Variants in AGFG1 observed in about 807,000 individuals in gnomAD.
AGFG1 encodes the protein arf-GAP domain and FG repeat-containing protein 1.
In AGFG1, 10 loss-of-function variants were observed where a neutral mutation model predicts 60.6. The observed-to-expected ratio is 0.16, with a 90% CI of 0.10 to 0.28. The LOEUF (loss-of-function observed/expected upper bound fraction) is 0.28. Among genes scored for constraint, AGFG1 ranks in the 10% least tolerant of loss-of-function variants. The probability of loss-of-function intolerance (pLI) is 1.00; values close to 1 mark genes in which losing one functional copy is unlikely to be tolerated. For synonymous variants in AGFG1, 247 were observed against 242.9 expected (o/e 1.02, Z -0.16); for missense variants, 537 against 676.5 (o/e 0.79, Z 2.29).
chr2:227,527,660 A>G (rs1259466947), intron 5 of AGFG1, among the ~76,000 whole-genome samples: 1 of 152,202 alleles, frequency 6.6e-6, no homozygotes, highest in Non-Finnish European at 1.5e-5. Flanking sequence ...ACCAGTCTGC[A>G]TTTTGAGTGA....
At position 227,523,517 on chromosome 2, in the gene AGFG1, A is replaced by T. The variant is rs537105822; in HGVS notation, c.378-246A>T. ...ACTTAATATCTTAGAAAAACCATAA[A>T]TAAGTAATTGAAACAAGTTTTGTGG... On this transcript the variant is annotated intron_variant, in intron 3 of 12. Transcript: ENST00000310078. Among the ~76,000 whole-genome samples the T allele has an allele frequency of 2.0e-4, 31 of 152,300 alleles. 1 individual carries two copies. The highest frequency in any genetic ancestry group is 7.5e-4 in the African/African-American group (31 of 41,572).
At position 227,523,790 on chromosome 2, in the gene AGFG1, C is replaced by T. The variant is rs750840866; in HGVS notation, c.405C>T (p.Val135=). ...ATGTCCCGCCAGAACAAGCCAAAGT[C>T]GTGGCATCAGTTCATGCATCTATTT... ...RWYVPPEQAK[V]VASVHASISG... The change falls in exon 4 of 13, where the codon GTC becomes GTT. Residue 135 remains valine, a synonymous_variant. Transcript: ENST00000310078. The T allele has an allele frequency of 6.8e-6, 11 of 1,613,202 alleles. No individual in the cohort carries two copies. The highest frequency in any genetic ancestry group is 1.7e-4 in the Middle Eastern group (1 of 6,052).
chr2:227,508,276 C>A, intron 2 of AGFG1: 1 of 184,540 alleles, frequency 5.4e-6, no homozygotes, highest in Non-Finnish European at 1.2e-5. Context: ...ATGATTGAGT[C>A]CTAGATTGAA....
At chr2:227,525,250 A>G (rs1230029261) in intron 5 of AGFG1, among the ~76,000 whole-genome samples, 2 of 152,144 alleles carry the variant, frequency 1.3e-5, no homozygotes, top group Admixed American at 6.5e-5. Flanking sequence ...ATCTTGTTTC[A>G]TTTGTCATTC....
At chr2:227,476,717 G>A (rs974605148) in intron 1 of AGFG1, among the ~76,000 whole-genome samples, 13 of 152,164 alleles carry the variant, frequency 8.5e-5, no homozygotes, top group African/African-American at 2.7e-4. Flanking sequence ...GTAGCATTAG[G>A]ATGGATTGCA....
At chr2:227,515,391 A>T (rs555619544) in intron 2 of AGFG1, among the ~76,000 whole-genome samples, 1 of 152,246 alleles carries the variant, frequency 6.6e-6, no homozygotes, top group South Asian at 2.1e-4. Context: ...CCCAGATTTC[A>T]GTTTCAAGCA....
intron 1 of AGFG1, among the ~76,000 whole-genome samples, chr2:227,476,516 C>A (rs1690284686): frequency 6.6e-6 from 1 of 152,110 alleles, no homozygotes; most frequent in South Asian, 2.1e-4. Flanking sequence ...AAGAGGTTGC[C>A]ACTTTAATAC....
chr2:227,495,344 C>T (rs1241362374), intron 2 of AGFG1, among the ~76,000 whole-genome samples: 3 of 151,788 alleles, frequency 2.0e-5, no homozygotes, highest in African/African-American at 4.8e-5. Context: ...GCCAGGAATT[C>T]GAGATCAACC....
intron 10 of AGFG1, among the ~76,000 whole-genome samples, chr2:227,537,807 A>G (rs574274199): frequency 9.8e-5 from 15 of 152,294 alleles, no homozygotes; most frequent in African/African-American, 2.9e-4. Flanking sequence ...AGTTATAGCA[A>G]ATGTTGATAT....
chr2:227,521,310 A>T (rs1170608006), intron 3 of AGFG1, among the ~76,000 whole-genome samples: 1 of 151,946 alleles, frequency 6.6e-6, no homozygotes, highest in Non-Finnish European at 1.5e-5. Flanking sequence ...CAGGTGATCC[A>T]CCTGCCTCAG....
intron 1 of AGFG1, among the ~76,000 whole-genome samples, chr2:227,478,589 CT>C (rs1436906760): frequency 6.6e-6 from 1 of 152,174 alleles, no homozygotes; most frequent in Non-Finnish European, 1.5e-5. Flanking sequence ...CTACCTTGGT[CT>C]TCCAAATTGT....
intron 2 of AGFG1, among the ~76,000 whole-genome samples, chr2:227,497,172 C>A (rs1055644542): frequency 6.6e-6 from 1 of 151,066 alleles, no homozygotes; most frequent in African/African-American, 2.4e-5. Flanking sequence ...TCTTCCCCCC[C>A]CACCCCACAC....
At chr2:227,474,473 A>T (rs1387073534) in intron 1 of AGFG1, among the ~76,000 whole-genome samples, 1 of 152,216 alleles carries the variant, frequency 6.6e-6, no homozygotes, top group African/African-American at 2.4e-5. Flanking sequence ...GCATAAAAGG[A>T]TATCTCAGTA....
At chr2:227,506,907 G>A (rs938917707) in intron 2 of AGFG1, among the ~76,000 whole-genome samples, 10 of 152,074 alleles carry the variant, frequency 6.6e-5, no homozygotes, top group Admixed American at 5.9e-4. Flanking sequence ...CCTATAAACC[G>A]GTGGTTGGCT....
In AGFG1 at chr2:227,557,665, T is replaced by C. The variant is rs1274460497; in HGVS notation, c.*3170T>C. On this transcript the variant is annotated 3_prime_UTR_variant, in exon 13 of 13. Transcript: ENST00000310078. ...AAATACCATTTTTGATAAAAATAAC[T>C]TTTCCAAAACAAAAACTAATGAGAA... is the stretch of plus-strand genomic sequence containing the variant. The C allele has an allele frequency of 6.6e-6, 1 of 152,218 alleles. No individual in the cohort carries two copies. The allele number at this position is 152,218 out of a possible 1,614,324, so 9.4% of individuals were successfully genotyped here.
At chr2:227,543,637 T>C (rs1692557296) in intron 10 of AGFG1, among the ~76,000 whole-genome samples, 1 of 152,178 alleles carries the variant, frequency 6.6e-6, no homozygotes. Context: ...TTCTGTTGAT[T>C]TGGGATGAAG....
intron 3 of AGFG1, among the ~76,000 whole-genome samples, chr2:227,523,077 T>G (rs1369571301): frequency 6.6e-6 from 1 of 152,226 alleles, no homozygotes; most frequent in Non-Finnish European, 1.5e-5. Flanking sequence ...CTGTATACAC[T>G]TACCAATTCT....
intron 2 of AGFG1, among the ~76,000 whole-genome samples, chr2:227,514,534 C>T (rs1691596588): frequency 6.6e-6 from 1 of 152,114 alleles, no homozygotes; most frequent in South Asian, 2.1e-4. Context: ...GTTCCCAGTA[C>T]AAAACATATA....
intron 10 of AGFG1, among the ~76,000 whole-genome samples, chr2:227,544,146 CTTTTTTTTTT>C (rs71039605): frequency 2.6e-5 from 2 of 75,800 alleles, no homozygotes; most frequent in Non-Finnish European, 4.6e-5. Flanking sequence ...CATTCTGTGT[CTTTTTTTTTT>C]TTTTTTTTTT....
Sources: gnomAD v4.1 joint callset for allele counts (sites outside exome capture counted in the v4.1 genomes callset) on GRCh38, gnomAD v4.1.1 for gene constraint, MANE v1.5 for transcripts, NCBI Gene and HGNC (gene_info 2026-07-23, HGNC 2026-07-21) for gene names.